The following RNF220 variants were observed in gnomAD, a reference collection of about 807,000 sequenced individuals.
The protein encoded by RNF220 is ring finger protein 220, also known as E3 ubiquitin-protein ligase RNF220.
In RNF220, 7 loss-of-function variants were observed where a neutral mutation model predicts 67.1. The observed-to-expected ratio is 0.10, with a 90% CI of 0.06 to 0.20. The LOEUF (loss-of-function observed/expected upper bound fraction) is 0.20. Among genes scored for constraint, RNF220 ranks in the 10% least tolerant of loss-of-function variants. The probability of loss-of-function intolerance (pLI) is 1.00; values close to 1 mark genes in which losing one functional copy is unlikely to be tolerated. For synonymous variants in RNF220, 270 were observed against 283.2 expected (o/e 0.95, Z 0.47); for missense variants, 565 against 740.3 (o/e 0.76, Z 2.75).
intron 2 of RNF220, among the ~76,000 whole-genome samples, chr1:44,516,906 T>A (rs979124108): frequency 6.6e-6 from 1 of 152,052 alleles, no homozygotes; most frequent in African/African-American, 2.4e-5. Context: ...TAACAGACAC[T>A]CTGCCCTCAC....
At chr1:44,626,795 T>C in intron 5 of RNF220, 1 of 172,832 alleles carries the variant, frequency 5.8e-6, no homozygotes, top group Non-Finnish European at 1.2e-5. Flanking sequence ...TCTCAGCACT[T>C]TGGGAGGCCG....
chr1:44,609,814 G>A (rs1667538642), intron 2 of RNF220, among the ~76,000 whole-genome samples: 1 of 152,236 alleles, frequency 6.6e-6, no homozygotes, highest in Admixed American at 6.5e-5. Flanking sequence ...GAGCCTCACT[G>A]TTGTCCAGCA....
At chr1:44,458,974 A>G (rs1243973221) in intron 2 of RNF220, among the ~76,000 whole-genome samples, 1 of 152,194 alleles carries the variant, frequency 6.6e-6, no homozygotes, top group African/African-American at 2.4e-5. Flanking sequence ...GACAGCCTCT[A>G]CCTTGCAGCT....
In RNF220 at chr1:44,649,977, G is replaced by A. The variant is rs548447621; in HGVS notation, c.1629+20G>A. On this transcript the variant is annotated intron_variant, in intron 14 of 14. Coordinates refer to ENST00000361799, the MANE Select transcript of RNF220 (RefSeq NM_018150.4). This position sits in a 1 kb window ranked among gnomAD's most constrained non-coding sequence, Gnocchi z 5.9. ...ACCCTGGTGAGGTGGCATGGGGGTC[G>A]GGGAATGGGAGGCCGCTCCGGGCAC... The A allele has an allele frequency of 3.0e-5, 48 of 1,611,416 alleles. No homozygotes were observed. The highest frequency in any genetic ancestry group is 1.6e-4 in the Middle Eastern group (1 of 6,076).
Position 44,425,352 on chromosome 1 carries a change from C to T in RNF220, c.625+12630C>T, listed in dbSNP as rs141985295. Among the ~76,000 whole-genome samples, 3 of 152,280 alleles carry T rather than the reference C, an allele frequency of 2.0e-5. No homozygotes were observed. In the East Asian group the frequency reaches 5.8e-4, roughly 29 times the overall value. On this transcript the variant is annotated intron_variant, in intron 2 of 14. Coordinates refer to ENST00000361799, the MANE Select transcript of RNF220 (RefSeq NM_018150.4). ...CCCATGTCTGTCTCCCTATGTGACTCCATCTAGCGTGTCCCCTCACGTAGT... is the reference window on the plus strand; with the variant it reads ...CCCATGTCTGTCTCCCTATGTGACTTCATCTAGCGTGTCCCCTCACGTAGT...
At chr1:44,549,058 A>G (rs1218961482) in intron 2 of RNF220, among the ~76,000 whole-genome samples, 3 of 152,112 alleles carry the variant, frequency 2.0e-5, no homozygotes, top group African/African-American at 7.2e-5. Flanking sequence ...ATGGTGACAC[A>G]TGCCTATAAC....
chr1:44,594,976 T>C (rs1157982694), intron 2 of RNF220, among the ~76,000 whole-genome samples: 1 of 152,150 alleles, frequency 6.6e-6, no homozygotes, highest in Non-Finnish European at 1.5e-5. Flanking sequence ...AAGATTGGCT[T>C]TGGAAGACAG....
chr1:44,631,956 G>C (rs1259283556), intron 5 of RNF220: 1 of 992,960 alleles, frequency 1.0e-6, no homozygotes, highest in Admixed American at 6.1e-5. Flanking sequence ...GACGGCGGCA[G>C]ATCACGTGAT....
chr1:44,531,208 G>C (rs1660805320), intron 2 of RNF220, among the ~76,000 whole-genome samples: 1 of 152,126 alleles, frequency 6.6e-6, no homozygotes, highest in Non-Finnish European at 1.5e-5. Context: ...AGGTAAATCC[G>C]GGGTCCTCCA....
In RNF220 at chr1:44,649,671, G is replaced by T. The variant is rs1644738309; in HGVS notation, c.1456G>T (p.Asp486Tyr). 8.1e-6 allele frequency: 13 copies of T among 1,614,000 alleles called. No homozygotes were observed. The highest frequency in any genetic ancestry group is 1.1e-5 in the Non-Finnish European group (13 of 1,179,926). ...CCTTCCTTTTTACAGAATCACCGAAGATTCAGCTGTGACCACGTTTGAGGC... is the reference window on the plus strand; with the variant it reads ...CCTTCCTTTTTACAGAATCACCGAATATTCAGCTGTGACCACGTTTGAGGC... Reference protein sequence around the residue: ...KNSDIEKITEDSAVTTFEALK... With the variant: ...KNSDIEKITEYSAVTTFEALK... The change falls in exon 13 of 15, where the codon GAT becomes TAT. Residue 486 changes from aspartate (D) to tyrosine (Y), a missense_variant. Transcript: ENST00000361799. The surrounding 1 kb of genome is among the most constrained non-coding windows in gnomAD (Gnocchi z 5.9).
chr1:44,633,538 C>T (rs1644233819), intron 6 of RNF220, among the ~76,000 whole-genome samples: 2 of 152,240 alleles, frequency 1.3e-5, no homozygotes, highest in South Asian at 4.1e-4. Flanking sequence ...TGCCTTCCTT[C>T]TCTGAGAATT....
At chr1:44,410,504 A>T (rs1395551601) in intron 1 of RNF220, 1 of 152,238 alleles carries the variant, frequency 6.6e-6, no homozygotes, top group Non-Finnish European at 1.5e-5. Context: ...TCTATAAGGA[A>T]AGATGCCAAA....
At chr1:44,569,359 G>C (rs1664264438) in intron 2 of RNF220, among the ~76,000 whole-genome samples, 1 of 152,070 alleles carries the variant, frequency 6.6e-6, no homozygotes, top group South Asian at 2.1e-4. Context: ...AATCGCCTGG[G>C]AAAATTACAC....
intron 2 of RNF220, among the ~76,000 whole-genome samples, chr1:44,474,377 AAAATAAT>A (rs1655098291): frequency 1.3e-5 from 1 of 75,104 alleles, no homozygotes; most frequent in African/African-American, 6.5e-5. Flanking sequence ...TCTGTCTCCA[AAAATAAT>A]AATAATAATA....
chr1:44,601,878 C>T lies in RNF220; in HGVS notation c.626-12287C>T, dbSNP rs578065915. ...GTGATTTTCCCCAGCTGTGCTTAGCCGCCTGAGTGTCTGAGACAAAAAGGA... is the reference window on the plus strand; with the variant it reads ...GTGATTTTCCCCAGCTGTGCTTAGCTGCCTGAGTGTCTGAGACAAAAAGGA... On this transcript the variant is annotated intron_variant, in intron 2 of 14. Coordinates refer to ENST00000361799, the MANE Select transcript of RNF220 (RefSeq NM_018150.4). Among the ~76,000 whole-genome samples, 3 of 152,236 alleles carry T rather than the reference C, an allele frequency of 2.0e-5. No individual in the cohort carries two copies. In the East Asian group the frequency reaches 5.8e-4, roughly 29 times the overall value.
At chr1:44,418,513 C>A (rs1430572149) in intron 2 of RNF220, among the ~76,000 whole-genome samples, 4 of 152,152 alleles carry the variant, frequency 2.6e-5, no homozygotes, top group African/African-American at 9.7e-5. Flanking sequence ...CTGAGGCTCG[C>A]AGCCAGCACA....
In RNF220 at chr1:44,514,296, T is replaced by A. The variant is rs148533748; in HGVS notation, c.626-99869T>A. ...TGGAATTATGGAGGGACAGCTGCGATGTTGGAAGCCCGTGCCTTCCTGAGT... is the reference window on the plus strand; with the variant it reads ...TGGAATTATGGAGGGACAGCTGCGAAGTTGGAAGCCCGTGCCTTCCTGAGT... On this transcript the variant is annotated intron_variant, in intron 2 of 14. Transcript: ENST00000361799. Among the ~76,000 whole-genome samples, 585 of 152,312 alleles carry A rather than the reference T, an allele frequency of 3.8e-3. 5 individuals are homozygous for A. The highest frequency in any genetic ancestry group is 0.014 in the African/African-American group (562 of 41,570).
intron 2 of RNF220, among the ~76,000 whole-genome samples, chr1:44,414,334 G>T (rs974945475): frequency 6.6e-6 from 1 of 152,140 alleles, no homozygotes; most frequent in Non-Finnish European, 1.5e-5. Flanking sequence ...GACAGATTCC[G>T]CCCCTTTTTT....
intron 2 of RNF220, chr1:44,572,918 GA>G: frequency 8.7e-6 from 3 of 343,046 alleles, no homozygotes; most frequent in South Asian, 4.4e-5. Context: ...ACAATGAAGG[GA>G]AAGATCCTCC....
Sources: allele counts gnomAD v4.1 joint callset (sites outside exome capture counted in the v4.1 genomes callset), GRCh38; gene constraint gnomAD v4.1.1; non-coding constraint Gnocchi (gnomAD v3.1); transcripts MANE v1.5; gene names NCBI Gene and HGNC (gene_info 2026-07-23, HGNC 2026-07-21).